ORC5: variants seen among roughly 807,000 people sequenced by gnomAD.
The protein encoded by ORC5 is origin recognition complex subunit 5, also known as protein phosphatase 1, regulatory subunit 117.
ORC5 carries 39 observed loss-of-function variants against 58.8 expected under a neutral mutation model. That is an observed-to-expected ratio of 0.66 (90% confidence interval 0.51 to 0.87). The LOEUF (loss-of-function observed/expected upper bound fraction) is 0.87, where lower values mean the gene tolerates loss of function less well. ORC5 is among the 40% of genes least tolerant of loss of function. The pLI, the probability that ORC5 is intolerant of heterozygous loss-of-function variation, is 0.00. For missense variants in ORC5, 493 were observed against 506.3 expected, an observed-to-expected ratio of 0.97 and a Z score of 0.25; for synonymous variants, 218 against 177.6, an observed-to-expected ratio of 1.23 and a Z score of -1.81.
rs1441784627 is a variant in ORC5, at chr7:104,148,290, C to CT, written c.1150-11398dup. ...CTATCTGAATCCAAAGCCCATATTCCTTATACTACCCCAAACAAGGAGCTA... is the reference window on the plus strand; with the variant it reads ...CTATCTGAATCCAAAGCCCATATTCCTTTATACTACCCCAAACAAGGAGCTA... On this transcript the variant is annotated intron_variant, in intron 12 of 13. Coordinates refer to ENST00000297431, the MANE Select transcript of ORC5 (RefSeq NM_002553.4). 3.9e-5 allele frequency among the ~76,000 whole-genome samples: 6 copies of CT among 152,256 alleles called. No individual in the cohort carries two copies. In the East Asian group the frequency reaches 9.6e-4, roughly 24 times the overall value.
At chr7:104,204,324 T>C (rs1365725926) in intron 1 of ORC5, 90 bp from the exon 2 acceptor site, 2 of 757,106 alleles carry the variant, frequency 2.6e-6, no homozygotes, top group South Asian at 1.8e-5. Context: ...CGTGGAAAAG[T>C]GAAATATTCA....
At chr7:104,171,941 T>C (rs1203193654) in intron 8 of ORC5, among the ~76,000 whole-genome samples, 3 of 152,226 alleles carry the variant, frequency 2.0e-5, no homozygotes, top group East Asian at 1.9e-4. Context: ...AACTGTTCAA[T>C]ACTTTCTCAC....
At chr7:104,183,533 C>CA (rs1186824158) in intron 8 of ORC5, among the ~76,000 whole-genome samples, 1 of 152,142 alleles carries the variant, frequency 6.6e-6, no homozygotes, top group African/African-American at 2.4e-5. Flanking sequence ...AGGAAGGGTT[C>CA]ACATGCATAA....
intron 5 of ORC5, among the ~76,000 whole-genome samples, chr7:104,189,279 A>T (rs1799619737): frequency 6.6e-6 from 1 of 150,634 alleles, no homozygotes. Context: ...CATGGTGGAA[A>T]GCACTCAACA....
At chr7:104,145,115 T>C (rs1798735529) in intron 12 of ORC5, among the ~76,000 whole-genome samples, 1 of 152,170 alleles carries the variant, frequency 6.6e-6, no homozygotes, top group African/African-American at 2.4e-5. Context: ...AAAACCAAGA[T>C]AAGACAAATA....
chr7:104,199,382 A>G (rs975797648), intron 3 of ORC5, among the ~76,000 whole-genome samples: 1 of 152,194 alleles, frequency 6.6e-6, no homozygotes, highest in Non-Finnish European at 1.5e-5. Context: ...CTCTTGCATC[A>G]GTGGGCTGGA....
chr7:104,206,702 GT>G (rs1299259694), intron 1 of ORC5, among the ~76,000 whole-genome samples: 1 of 152,192 alleles, frequency 6.6e-6, no homozygotes, highest in Non-Finnish European at 1.5e-5. Flanking sequence ...TTGGATGAAA[GT>G]ACAGTCACGT....
At chr7:104,172,272 T>C (rs1269389040) in intron 8 of ORC5, among the ~76,000 whole-genome samples, 1 of 152,250 alleles carries the variant, frequency 6.6e-6, no homozygotes, top group African/African-American at 2.4e-5. Flanking sequence ...TAGAAGTCCT[T>C]TCATTATTAT....
intron 11 of ORC5, among the ~76,000 whole-genome samples, chr7:104,163,011 C>G (rs1319802300): frequency 6.6e-6 from 1 of 152,198 alleles, no homozygotes; most frequent in Non-Finnish European, 1.5e-5. Flanking sequence ...ATACATGTAG[C>G]TCTAGTCCAT....
chr7:104,199,845 C>A (rs1169334053), intron 3 of ORC5, among the ~76,000 whole-genome samples: 1 of 152,242 alleles, frequency 6.6e-6, no homozygotes, highest in Middle Eastern at 3.4e-3. Flanking sequence ...GGCTTTGTGT[C>A]CCCATCCAAA....
intron 8 of ORC5, among the ~76,000 whole-genome samples, chr7:104,170,565 A>G (rs546532231): frequency 3.9e-5 from 6 of 152,294 alleles, no homozygotes; most frequent in South Asian, 4.1e-4. Context: ...ATTCTCCTTG[A>G]GAACCTCCAG....
chr7:104,169,018 G>A (rs968613231), intron 8 of ORC5, among the ~76,000 whole-genome samples: 7 of 152,186 alleles, frequency 4.6e-5, no homozygotes, highest in African/African-American at 1.2e-4. Context: ...GGAGGTGGAC[G>A]TTGCAGTGAG....
At chr7:104,148,774 C>G (rs1017454035) in intron 12 of ORC5, among the ~76,000 whole-genome samples, 2 of 152,148 alleles carry the variant, frequency 1.3e-5, no homozygotes, top group African/African-American at 4.8e-5. Context: ...TGGCTCACAC[C>G]TGTAACCCCC....
intron 3 of ORC5, 38 bp from the exon 4 acceptor site, chr7:104,197,837 T>C: frequency 7.6e-7 from 1 of 1,308,724 alleles, no homozygotes. Context: ...AAGAAATGCA[T>C]TTACAAAGCC....
At position 104,126,670 on chromosome 7, in the gene ORC5, T is replaced by A. The variant is rs1798433870; in HGVS notation, c.*178A>T. On this transcript the variant is annotated 3_prime_UTR_variant, in exon 14 of 14. Transcript: ENST00000297431. ...CCAGGGTCCCTGGTAAATAGTCTTC[T>A]GCTCACATCCACCCAGACCAATCAG... is the stretch of plus-strand genomic sequence containing the variant. The A allele has an allele frequency of 3.9e-6, 2 of 518,446 alleles. No individual in the cohort carries two copies. The highest frequency in any genetic ancestry group is 6.8e-6 in the Non-Finnish European group (2 of 294,404). 32.1% of individuals were successfully genotyped at this position (518,446 alleles called of 1,614,324 possible).
intron 12 of ORC5, among the ~76,000 whole-genome samples, chr7:104,155,171 T>A (rs1467530127): frequency 6.6e-6 from 1 of 151,734 alleles, no homozygotes; most frequent in Non-Finnish European, 1.5e-5. Flanking sequence ...ATAAGTTAAA[T>A]CGATGTAACA....
chr7:104,146,999 A>G (rs533255027), intron 12 of ORC5, among the ~76,000 whole-genome samples: 1 of 152,330 alleles, frequency 6.6e-6, no homozygotes, highest in Non-Finnish European at 1.5e-5. Flanking sequence ...AAGCTTAATT[A>G]AAAAATAAAA....
intron 3 of ORC5, among the ~76,000 whole-genome samples, chr7:104,198,054 G>C (rs1425763776): frequency 6.6e-6 from 1 of 152,186 alleles, no homozygotes; most frequent in Admixed American, 6.5e-5. Context: ...GCCACCTCTT[G>C]CTCTCACTCT....
At chr7:104,170,208 G>A (rs933907247) in intron 8 of ORC5, among the ~76,000 whole-genome samples, 7 of 152,040 alleles carry the variant, frequency 4.6e-5, no homozygotes, top group Non-Finnish European at 8.8e-5. Context: ...AAGCTCAGAG[G>A]TTTTTTTCTG....
Sources: allele counts gnomAD v4.1 joint callset (sites outside exome capture counted in the v4.1 genomes callset), GRCh38; gene constraint gnomAD v4.1.1; transcripts MANE v1.5; gene names NCBI Gene and HGNC (gene_info 2026-07-23, HGNC 2026-07-21).